RPH3AL: variants seen among roughly 807,000 people sequenced by gnomAD.
RPH3AL encodes the protein rabphilin 3A like (without C2 domains), also known as rab effector Noc2.
RPH3AL carries 38 observed loss-of-function variants against 43.1 expected under a neutral mutation model. The observed-to-expected ratio is 0.88, with a 90% CI of 0.68 to 1.15. RPH3AL has a LOEUF of 1.15. RPH3AL is among the 50% of genes most tolerant of loss of function. RPH3AL has a pLI of 0.00. For synonymous variants in RPH3AL, 189 were observed against 176.3 expected (o/e 1.07, Z -0.57); for missense variants, 462 against 423.2 (o/e 1.09, Z -0.81).
chr17:251,838 C>T (rs572715264), intron 6 of RPH3AL, among the ~76,000 whole-genome samples: 21 of 152,384 alleles, frequency 1.4e-4, no homozygotes, highest in Admixed American at 3.9e-4. Context: ...CTGTCCTCCA[C>T]CGTGGGCTGG....
At chr17:268,971 C>T (rs536571174) in intron 6 of RPH3AL, among the ~76,000 whole-genome samples, 14 of 152,240 alleles carry the variant, frequency 9.2e-5, no homozygotes, top group East Asian at 3.9e-4. Context: ...CTCTGCCTCC[C>T]GGGTTCACGC....
At chr17:285,873 C>G (rs2042894877) in intron 5 of RPH3AL, among the ~76,000 whole-genome samples, 1 of 152,200 alleles carries the variant, frequency 6.6e-6, no homozygotes, top group African/African-American at 2.4e-5. Context: ...CCACCCCCAT[C>G]CCGTCTAGCG....
intron 5 of RPH3AL, among the ~76,000 whole-genome samples, chr17:292,535 G>C (rs1404279316): frequency 6.6e-6 from 1 of 152,196 alleles, no homozygotes; most frequent in Admixed American, 6.5e-5. Flanking sequence ...GAGACTTGAG[G>C]TTAAGCAGCT....
chr17:260,076 G>T, intron 6 of RPH3AL, among the ~76,000 whole-genome samples: 1 of 152,200 alleles, frequency 6.6e-6, no homozygotes, highest in East Asian at 1.9e-4. Context: ...CACCCTGAGA[G>T]TGCACCTGGC....
chr17:326,370 C>T (rs1178730111), intron 3 of RPH3AL, among the ~76,000 whole-genome samples: 1 of 152,222 alleles, frequency 6.6e-6, no homozygotes, highest in Non-Finnish European at 1.5e-5. Context: ...TTTGGTCCCA[C>T]TTGGGAAATG....
chr17:284,617 T>C (rs2042861566), intron 5 of RPH3AL, among the ~76,000 whole-genome samples: 1 of 151,920 alleles, frequency 6.6e-6, no homozygotes, highest in African/African-American at 2.4e-5. Context: ...TTTCCAGCTG[T>C]CAGCAGGAGG....
At chr17:233,789 C>T (rs1439493186) in intron 7 of RPH3AL, among the ~76,000 whole-genome samples, 8 of 152,218 alleles carry the variant, frequency 5.3e-5, no homozygotes, top group African/African-American at 1.4e-4. Flanking sequence ...ACAACAGGGC[C>T]GGGTGGGGAC....
At chr17:255,994 T>C (rs368323106) in intron 6 of RPH3AL, among the ~76,000 whole-genome samples, 4 of 62,788 alleles carry the variant, frequency 6.4e-5, no homozygotes, top group Admixed American at 4.1e-4. Flanking sequence ...AGCTGCACGG[T>C]GTCTGTCCTT....
chr17:225,480 A>G lies in RPH3AL; in HGVS notation c.614-5744T>C, dbSNP rs1368313023. ...ATGCCAACCTCATGGGTCCCATGAA[A>G]AAGGGATAGGAGGAGGTGGGAAGGA... On this transcript the variant is annotated intron_variant, in intron 7 of 9. Transcript: ENST00000331302. This position sits in a 1 kb window ranked among gnomAD's most constrained non-coding sequence, Gnocchi z 4.4. Among the ~76,000 whole-genome samples the G allele has an allele frequency of 6.6e-6, 1 of 152,052 alleles. No individual in the cohort carries two copies. Among genetic ancestry groups the G allele is most frequent in the East Asian group, 1.9e-4 (1 of 5,172 alleles).
intron 2 of RPH3AL, among the ~76,000 whole-genome samples, chr17:329,407 T>C (rs957976992): frequency 6.6e-6 from 1 of 151,880 alleles, no homozygotes; most frequent in Non-Finnish European, 1.5e-5. Context: ...ACCCTGGAGG[T>C]GGAGGTTGCA....
At chr17:342,768 G>A (rs900306068) in intron 1 of RPH3AL, among the ~76,000 whole-genome samples, 7 of 152,102 alleles carry the variant, frequency 4.6e-5, no homozygotes, top group East Asian at 1.9e-4. Context: ...GTGATTAGAA[G>A]GTCATCCATG....
Position 215,847 on chromosome 17 carries a change from G to T in RPH3AL, c.728-45C>A, listed in dbSNP as rs138625479. The T allele has an allele frequency of 8.5e-4, 1,104 of 1,296,420 alleles. 8 individuals carry two copies. In the African/African-American group the frequency reaches 0.016, roughly 19 times the overall value. The allele number at this position is 1,296,420 out of a possible 1,614,324, so 80.3% of individuals were successfully genotyped here. A position where few individuals can be genotyped will look rare whatever the true frequency, so the allele number is the denominator to read the frequency against. ...GGCCCCGTGGATCTCAAACCGAGAC[G>T]GGGTGATCTCAGTCCAGTTCCTCGT... On this transcript the variant is annotated intron_variant, in intron 8 of 9. Coordinates refer to ENST00000331302, the MANE Select transcript of RPH3AL (RefSeq NM_006987.4). This position sits in a 1 kb window ranked among gnomAD's most constrained non-coding sequence, Gnocchi z 4.1.
intron 6 of RPH3AL, among the ~76,000 whole-genome samples, chr17:273,312 A>T (rs1189578045): frequency 1.1e-5 from 1 of 90,760 alleles, no homozygotes; most frequent in African/African-American, 3.5e-5. Context: ...GAGAGACCCC[A>T]GCGAGGGTGA....
At chr17:266,928 G>A (rs535786674) in intron 6 of RPH3AL, among the ~76,000 whole-genome samples, 4 of 152,348 alleles carry the variant, frequency 2.6e-5, no homozygotes, top group East Asian at 3.9e-4. Flanking sequence ...GTAGGGCTGC[G>A]TGCCCCTGGA....
chr17:216,874 G>A (rs377032132), intron 8 of RPH3AL, among the ~76,000 whole-genome samples: 4 of 152,160 alleles, frequency 2.6e-5, no homozygotes, highest in South Asian at 2.1e-4. Context: ...GGAGAGGGGG[G>A]TGGTGGTACG....
At chr17:222,743 G>A (rs2041021193) in intron 7 of RPH3AL, among the ~76,000 whole-genome samples, 1 of 152,190 alleles carries the variant, frequency 6.6e-6, no homozygotes, top group Non-Finnish European at 1.5e-5. Flanking sequence ...GTGACCCCAG[G>A]TGCAGTTTCT....
At chr17:348,339 A>T (rs952322779) in intron 1 of RPH3AL, among the ~76,000 whole-genome samples, 1 of 152,188 alleles carries the variant, frequency 6.6e-6, no homozygotes, top group Non-Finnish European at 1.5e-5. Flanking sequence ...CACACTACCT[A>T]CACCTCCAAG....
chr17:334,882 G>GGGACAA (rs57655184), intron 1 of RPH3AL, among the ~76,000 whole-genome samples: 4,689 of 65,714 alleles, frequency 0.071, 742 homozygotes, highest in East Asian at 0.29. Flanking sequence ...CGGAGGGACA[G>GGGACAA]GGACAGGGAC....
At chr17:297,055 A>G (rs550756149) in intron 5 of RPH3AL, among the ~76,000 whole-genome samples, 1 of 152,318 alleles carries the variant, frequency 6.6e-6, no homozygotes, top group East Asian at 1.9e-4. Flanking sequence ...GGAGAGTTCC[A>G]TCAGGAGCTC....
Sources: allele counts gnomAD v4.1 joint callset (sites outside exome capture counted in the v4.1 genomes callset), GRCh38; gene constraint gnomAD v4.1.1; non-coding constraint Gnocchi (gnomAD v3.1); transcripts MANE v1.5; gene names NCBI Gene and HGNC (gene_info 2026-07-23, HGNC 2026-07-21).